Variants in SLC35F3 observed in about 807,000 individuals in gnomAD.
SLC35F3 encodes putative thiamine transporter SLC35F3.
Under a neutral mutation model 49.9 loss-of-function variants are expected in SLC35F3, and 25 were observed. The observed-to-expected ratio is 0.50, with a 90% CI of 0.37 to 0.70. The LOEUF (loss-of-function observed/expected upper bound fraction) is 0.70. SLC35F3 is among the 30% of genes least tolerant of loss of function. SLC35F3 has a pLI of 0.00. For missense variants in SLC35F3, 525 were observed against 639.8 expected, an observed-to-expected ratio of 0.82 and a Z score of 1.94; for synonymous variants, 275 against 265.4, an observed-to-expected ratio of 1.04 and a Z score of -0.35.
chr1:234,227,242 T>C (rs1343059089), intron 2 of SLC35F3, among the ~76,000 whole-genome samples: 1 of 152,026 alleles, frequency 6.6e-6, no homozygotes, highest in Non-Finnish European at 1.5e-5. Context: ...AACAGAGGGA[T>C]TGTTAGTGGG....
rs185689564 is a variant in SLC35F3 at position 234,164,831 on chromosome 1, G to T, written c.284-66586G>T. ...TTCTGACATTTTGCAAAATGATACT[G>T]TGATTTGGGTGGGGGGGGGGGTTGG... On this transcript the variant is annotated intron_variant, in intron 2 of 7. Transcript: ENST00000366618. 1.3e-3 allele frequency among the ~76,000 whole-genome samples: 179 copies of T among 138,006 alleles called. 1 individual carries two copies. The highest frequency in any genetic ancestry group is 4.2e-3 in the Admixed American group (54 of 12,946). 90.5% of individuals were successfully genotyped at this position (138,006 alleles called of 152,430 possible).
chr1:233,997,144 A>C, intron 2 of SLC35F3, among the ~76,000 whole-genome samples: 1 of 150,830 alleles, frequency 6.6e-6, no homozygotes, highest in Non-Finnish European at 1.5e-5. Flanking sequence ...TTCTTTCTCC[A>C]CTCCCCTGTG....
At chr1:234,099,825 A>G (rs1018103364) in intron 2 of SLC35F3, among the ~76,000 whole-genome samples, 2 of 152,202 alleles carry the variant, frequency 1.3e-5, no homozygotes, top group African/African-American at 4.8e-5. Context: ...AGATTGTGGA[A>G]AGCAAAATGA....
intron 2 of SLC35F3, among the ~76,000 whole-genome samples, chr1:234,203,986 A>G (rs1235659311): frequency 2.0e-5 from 3 of 152,226 alleles, no homozygotes; most frequent in Non-Finnish European, 4.4e-5. Flanking sequence ...CATACGGACT[A>G]TGTGGGCTGT....
chr1:234,300,487 G>A (rs911621725), intron 3 of SLC35F3, among the ~76,000 whole-genome samples: 1 of 152,206 alleles, frequency 6.6e-6, no homozygotes, highest in African/African-American at 2.4e-5. Flanking sequence ...TTGTAAACAT[G>A]TATTATATGC....
chr1:234,034,973 T>C (rs1473038165), intron 2 of SLC35F3, among the ~76,000 whole-genome samples: 1 of 152,212 alleles, frequency 6.6e-6, no homozygotes. Context: ...TAAACTTTAC[T>C]CAAGAATTTA....
chr1:234,168,548 A>G (rs1666351732), intron 2 of SLC35F3, among the ~76,000 whole-genome samples: 1 of 152,246 alleles, frequency 6.6e-6, no homozygotes, highest in African/African-American at 2.4e-5. Flanking sequence ...GTTGGACAGG[A>G]CAAGACAGCT....
chr1:234,179,142 A>G (rs1666520379), intron 2 of SLC35F3, among the ~76,000 whole-genome samples: 2 of 152,152 alleles, frequency 1.3e-5, no homozygotes, highest in African/African-American at 4.8e-5. Flanking sequence ...TGCAGAGCTG[A>G]GAACTTCCTC....
chr1:234,305,528 G>A (rs770999378), intron 3 of SLC35F3, among the ~76,000 whole-genome samples: 16 of 151,708 alleles, frequency 1.1e-4, no homozygotes, highest in Non-Finnish European at 2.1e-4. Flanking sequence ...GACTACAGGC[G>A]CGCACCACCA....
intron 3 of SLC35F3, among the ~76,000 whole-genome samples, chr1:234,251,994 A>T (rs563626925): frequency 6.6e-6 from 1 of 151,988 alleles, no homozygotes; most frequent in South Asian, 2.1e-4. Flanking sequence ...AGATAAAGAC[A>T]TGGAGCAATT....
At chr1:233,964,561 G>A (rs1025384913) in intron 2 of SLC35F3, among the ~76,000 whole-genome samples, 3 of 152,230 alleles carry the variant, frequency 2.0e-5, no homozygotes, top group African/African-American at 7.2e-5. Context: ...AGTACATGCT[G>A]TAAAGGAGGC....
chr1:234,068,155 G>C (rs1664649367), intron 2 of SLC35F3, among the ~76,000 whole-genome samples: 1 of 152,138 alleles, frequency 6.6e-6, no homozygotes, highest in African/African-American at 2.4e-5. Flanking sequence ...AGTGTTAGGA[G>C]CCTCTGCCAA....
intron 2 of SLC35F3, among the ~76,000 whole-genome samples, chr1:233,914,974 T>C (rs1446909829): frequency 6.6e-6 from 1 of 152,210 alleles, no homozygotes; most frequent in Non-Finnish European, 1.5e-5. Flanking sequence ...TTCATGCAGC[T>C]TAATTTATGA....
chr1:234,224,372 A>C (rs977689037), intron 2 of SLC35F3, among the ~76,000 whole-genome samples: 1 of 152,116 alleles, frequency 6.6e-6, no homozygotes, highest in African/African-American at 2.4e-5. Flanking sequence ...CAGCCTCTTT[A>C]ATTTTAATTA....
chr1:234,120,180 AG>A (rs1665550369), intron 2 of SLC35F3, among the ~76,000 whole-genome samples: 1 of 152,254 alleles, frequency 6.6e-6, no homozygotes. Flanking sequence ...GATAAAATTG[AG>A]GCATCTCAAA....
At chr1:233,933,338 A>G (rs1662275740) in intron 2 of SLC35F3, among the ~76,000 whole-genome samples, 2 of 152,132 alleles carry the variant, frequency 1.3e-5, no homozygotes, top group East Asian at 1.9e-4. Flanking sequence ...TTTTTACTAA[A>G]AAGTTATTTT....
chr1:233,909,050 G>T (rs758144982), intron 2 of SLC35F3, among the ~76,000 whole-genome samples: 6 of 150,760 alleles, frequency 4.0e-5, no homozygotes, highest in Non-Finnish European at 8.9e-5. Flanking sequence ...GTAGAGACAG[G>T]GTTTCACCAT....
chr1:234,230,778 G>A (rs148936922), intron 2 of SLC35F3, among the ~76,000 whole-genome samples: 89 of 152,320 alleles, frequency 5.8e-4, no homozygotes, highest in African/African-American at 2.1e-3. Context: ...AAGTGGGACT[G>A]GAGGCTATCA....
chr1:234,145,109 C>T (rs552314013), intron 2 of SLC35F3, among the ~76,000 whole-genome samples: 90 of 152,286 alleles, frequency 5.9e-4, no homozygotes, highest in Non-Finnish European at 1.1e-3. Flanking sequence ...TCACAGCAGC[C>T]CTGAGGGTTT....
Sources: allele counts gnomAD v4.1 joint callset (sites outside exome capture counted in the v4.1 genomes callset), GRCh38; gene constraint gnomAD v4.1.1; transcripts MANE v1.5; gene names NCBI Gene and HGNC (gene_info 2026-07-23, HGNC 2026-07-21).